The following TMEM135 variants were observed in gnomAD, a reference collection of about 807,000 sequenced individuals.
The protein encoded by TMEM135 is peroxisomal membrane protein 52.
In TMEM135, 30 loss-of-function variants were observed where a neutral mutation model predicts 60.3. That is an observed-to-expected ratio of 0.50 (90% CI 0.37 to 0.68). The LOEUF (loss-of-function observed/expected upper bound fraction) is 0.68, where lower values mean the gene tolerates loss of function less well. Ranked by LOEUF, TMEM135 falls within the 30% of genes least tolerant of loss-of-function variation. The pLI is 0.00. For missense variants in TMEM135, 468 were observed against 548.8 expected (o/e 0.85, Z 1.47); for synonymous variants, 190 against 186.7 (o/e 1.02, Z -0.14).
chr11:87,172,261 T>A (rs1311922543), intron 5 of TMEM135, among the ~76,000 whole-genome samples: 1 of 152,166 alleles, frequency 6.6e-6, no homozygotes, highest in Non-Finnish European at 1.5e-5. Context: ...TAGAAGTATT[T>A]TTTAATTCTT....
At chr11:87,234,322 T>C (rs577954484) in intron 5 of TMEM135, among the ~76,000 whole-genome samples, 1 of 152,210 alleles carries the variant, frequency 6.6e-6, no homozygotes, top group Admixed American at 6.5e-5. Context: ...AGAAGATAAG[T>C]TCCATGAGGG....
intron 12 of TMEM135, 83 bp downstream of exon 12, chr11:87,314,630 C>A (rs1942695661): frequency 1.8e-6 from 2 of 1,084,664 alleles, no homozygotes; most frequent in Non-Finnish European, 2.8e-6. Context: ...AATGTATATC[C>A]CAATGGCAAA....
intron 5 of TMEM135, among the ~76,000 whole-genome samples, chr11:87,185,042 A>G (rs1362587491): frequency 1.3e-5 from 2 of 152,206 alleles, no homozygotes; most frequent in South Asian, 4.1e-4. Context: ...ACTGATTGCC[A>G]GTCTTCTTTA....
chr11:87,186,815 A>T (rs1331208123), intron 5 of TMEM135, among the ~76,000 whole-genome samples: 1 of 152,144 alleles, frequency 6.6e-6, no homozygotes, highest in Admixed American at 6.5e-5. Flanking sequence ...TAATTTTTTT[A>T]CTCTGTGATA....
chr11:87,198,758 A>G (rs1940025464), intron 5 of TMEM135, among the ~76,000 whole-genome samples: 2 of 151,874 alleles, frequency 1.3e-5, no homozygotes, highest in African/African-American at 2.4e-5. Flanking sequence ...GTACCATGTA[A>G]AGGCACTATA....
chr11:87,201,888 T>A (rs1307164894), intron 5 of TMEM135, among the ~76,000 whole-genome samples: 1 of 152,172 alleles, frequency 6.6e-6, no homozygotes, highest in Non-Finnish European at 1.5e-5. Flanking sequence ...GAAATCTGTC[T>A]TATGATAAAG....
chr11:87,260,338 T>C (rs947594385), intron 6 of TMEM135, among the ~76,000 whole-genome samples: 28 of 152,186 alleles, frequency 1.8e-4, no homozygotes, highest in Non-Finnish European at 3.2e-4. Flanking sequence ...AGGGTGTCAT[T>C]GTAAGATATT....
At chr11:87,068,019 T>A (rs1392140280) in intron 2 of TMEM135, among the ~76,000 whole-genome samples, 198 bp downstream of exon 2, 2 of 152,136 alleles carry the variant, frequency 1.3e-5, no homozygotes, top group Non-Finnish European at 2.9e-5. Flanking sequence ...AATATAAACT[T>A]TAAATTATTG....
At chr11:87,078,834 C>G (rs1048677751) in intron 3 of TMEM135, among the ~76,000 whole-genome samples, 1 of 151,586 alleles carries the variant, frequency 6.6e-6, no homozygotes, top group Non-Finnish European at 1.5e-5. Flanking sequence ...GTTGTCCAGG[C>G]TGGTCTCGAG....
At chr11:87,141,769 T>C (rs1938268928) in intron 4 of TMEM135, among the ~76,000 whole-genome samples, 1 of 152,106 alleles carries the variant, frequency 6.6e-6, no homozygotes, top group African/African-American at 2.4e-5. Flanking sequence ...ACTCTATTAG[T>C]TATTAGAATA....
chr11:87,044,807 G>A (rs941486201), intron 1 of TMEM135, among the ~76,000 whole-genome samples: 4 of 151,406 alleles, frequency 2.6e-5, no homozygotes, highest in African/African-American at 4.9e-5. Context: ...GCGCCACCAC[G>A]CCCAGCTAAT....
intron 5 of TMEM135, among the ~76,000 whole-genome samples, chr11:87,193,356 A>G (rs1451083467): frequency 6.6e-6 from 1 of 152,214 alleles, no homozygotes; most frequent in African/African-American, 2.4e-5. Context: ...GAGTTTTCAT[A>G]TAGATTAAGA....
At chr11:87,286,296 ATTCTCC>A (rs1942163467) in intron 6 of TMEM135, among the ~76,000 whole-genome samples, 4 of 148,940 alleles carry the variant, frequency 2.7e-5, no homozygotes, top group Admixed American at 6.6e-5. Context: ...AGCTAGACAT[ATTCTCC>A]AAGTCCCCAC....
intron 5 of TMEM135, among the ~76,000 whole-genome samples, chr11:87,195,230 T>C (rs908664245): frequency 6.6e-6 from 1 of 151,412 alleles, no homozygotes; most frequent in Non-Finnish European, 1.5e-5. Flanking sequence ...CCTGTCTTCT[T>C]TTTCTTTTTT....
At position 87,067,716 on chromosome 11, in the gene TMEM135, G is replaced by A. The variant is rs374029039; in HGVS notation, c.164G>A (p.Arg55Gln). 4.3e-6 allele frequency: 7 copies of A among 1,613,696 alleles called. No individual in the cohort carries two copies. The highest frequency in any genetic ancestry group is 5.9e-6 in the Non-Finnish European group (7 of 1,179,842). The stretch of plus-strand genomic sequence containing the variant: ...CAGATTGCAGCAATTCTCCGGAAAC[G>A]GAAATTAGACTATTATTTACACAAA... Reference protein sequence around the residue: ...LYLIAAILRKRKLDYYLHKLL... With the variant: ...LYLIAAILRKQKLDYYLHKLL... The change falls in exon 2 of 15, where the codon CGG (arginine) becomes CAG (glutamine). Residue 55 changes from arginine to glutamine, a missense_variant. Arg to Gln is a conservative substitution (Grantham distance 43). Transcript: ENST00000305494.
chr11:87,212,312 G>T (rs559532086), intron 5 of TMEM135, among the ~76,000 whole-genome samples: 1 of 151,814 alleles, frequency 6.6e-6, no homozygotes, highest in Non-Finnish European at 1.5e-5. Flanking sequence ...AGTCACAAAT[G>T]GATTAAACAG....
At chr11:87,209,417 G>A (rs1479475885) in intron 5 of TMEM135, among the ~76,000 whole-genome samples, 1 of 152,068 alleles carries the variant, frequency 6.6e-6, no homozygotes, top group East Asian at 1.9e-4. Context: ...GAAAAAAACA[G>A]ACTTTAAACT....
At chr11:87,044,497 A>G (rs2513228) in intron 1 of TMEM135, among the ~76,000 whole-genome samples, 48,837 of 151,926 alleles carry the variant, frequency 0.32, 9,581 homozygotes, top group East Asian at 0.58. Flanking sequence ...TTTGGAGACC[A>G]TGGAATTGTA....
chr11:87,182,577 G>A (rs1237033364), intron 5 of TMEM135, among the ~76,000 whole-genome samples: 3 of 152,042 alleles, frequency 2.0e-5, no homozygotes, highest in Non-Finnish European at 4.4e-5. Context: ...CACAGTGTTT[G>A]ATTATTAAAA....
Sources: gnomAD v4.1 joint callset for allele counts (sites outside exome capture counted in the v4.1 genomes callset) on GRCh38, gnomAD v4.1.1 for gene constraint, MANE v1.5 for transcripts, NCBI Gene and HGNC (gene_info 2026-07-23, HGNC 2026-07-21) for gene names.